Variants in ATM observed in about 807,000 individuals in gnomAD.
ATM encodes the protein ATM serine/threonine kinase, also known as serine-protein kinase ATM.
A neutral mutation model predicts 387.0 loss-of-function variants in ATM; 308 were observed. The observed-to-expected ratio is 0.80, with a 90% CI of 0.73 to 0.87. The LOEUF is 0.87. Among genes scored for constraint, ATM ranks in the 40% least tolerant of loss-of-function variants. ATM has a pLI of 0.00. For missense variants in ATM, 3,312 were observed against 3,560.9 expected (o/e 0.93, Z 1.78); for synonymous variants, 1,156 against 1,187.3 (o/e 0.97, Z 0.54).
chr11:108,353,970 G>C, intron 60 of ATM, 90 bp downstream of exon 60: 1 of 1,266,226 alleles, frequency 7.9e-7, no homozygotes, highest in Non-Finnish European at 1.1e-6. Context: ...AATCCCAGCT[G>C]CTCAAGAGGC....
At chr11:108,285,909 A>G (rs568384478) in intron 26 of ATM, among the ~76,000 whole-genome samples, 2 of 152,214 alleles carry the variant, frequency 1.3e-5, no homozygotes, top group Non-Finnish European at 2.9e-5. Flanking sequence ...AAAGACAGCA[A>G]TTTTTAGAGC....
intron 61 of ATM, chr11:108,355,269 C>A: frequency 2.2e-5 from 5 of 232,162 alleles, no homozygotes; most frequent in Non-Finnish European, 4.3e-5. Context: ...AAATGGAGAT[C>A]AAATTGTCAG....
At chr11:108,333,584 C>G (rs958331880) in intron 53 of ATM, among the ~76,000 whole-genome samples, 10 of 152,184 alleles carry the variant, frequency 6.6e-5, no homozygotes, top group African/African-American at 9.7e-5. Context: ...AGTATGTTAT[C>G]TATGTACTAT....
chr11:108,292,930 T>C (rs1274297621), intron 30 of ATM, 137 bp downstream of exon 30: 9 of 1,099,124 alleles, frequency 8.2e-6, no homozygotes, highest in Admixed American at 2.2e-5. Flanking sequence ...TGGAAAAATA[T>C]TCTTAATGAA....
intron 8 of ATM, among the ~76,000 whole-genome samples, 158 bp from the exon 9 acceptor site, chr11:108,248,775 C>G (rs1478397888): frequency 4.6e-5 from 7 of 151,662 alleles, no homozygotes; most frequent in Non-Finnish European, 1.0e-4. Context: ...GTAATCCCAG[C>G]TACTCGGGAG....
chr11:108,368,381 A>G lies in ATM; in HGVS notation c.*2873A>G. ...CCAAGGACAAATGAGGAGTAGTTAG[A>G]TTTTGAAAATATTAATCATAGAATA... On this transcript the variant is annotated 3_prime_UTR_variant, in exon 63 of 63. Coordinates refer to ENST00000675843, the MANE Select transcript of ATM (RefSeq NM_000051.4). 1 of 209,950 alleles carries G rather than the reference A, an allele frequency of 4.8e-6. No individual in the cohort carries two copies. The highest frequency in any genetic ancestry group is 9.7e-6 in the Non-Finnish European group (1 of 103,416). The allele number at this position is 209,950 out of a possible 1,614,324, so 13.0% of individuals were successfully genotyped here.
chr11:108,266,736 A>C, intron 16 of ATM, among the ~76,000 whole-genome samples: 1 of 152,092 alleles, frequency 6.6e-6, no homozygotes, highest in East Asian at 1.9e-4. Flanking sequence ...TAGTAGAAAA[A>C]GTACTGTAGT....
At chr11:108,322,202 T>A (rs1235648847) in intron 45 of ATM, among the ~76,000 whole-genome samples, 1 of 152,216 alleles carries the variant, frequency 6.6e-6, no homozygotes, top group African/African-American at 2.4e-5. Context: ...TTGCCCAGGC[T>A]GGAGTGTCAT....
chr11:108,334,823 C>T, intron 54 of ATM, 146 bp from the exon 55 acceptor site: 1 of 908,886 alleles, frequency 1.1e-6, no homozygotes, highest in Non-Finnish European at 1.7e-6. Flanking sequence ...AGCCACCACA[C>T]CCGGCCTAAA....
At position 108,299,708 on chromosome 11, in the gene ATM, A is replaced by G. The variant is rs1392301961; in HGVS notation, c.5006-6A>G. 1 of 1,613,024 alleles carries G rather than the reference A, an allele frequency of 6.2e-7. No individual in the cohort carries two copies. Among genetic ancestry groups the G allele is most frequent in the South Asian group, 1.1e-5 (1 of 91,052 alleles). On this transcript the variant is annotated splice_polypyrimidine_tract_variant and splice_region_variant and intron_variant, in intron 33 of 62. Transcript: ENST00000675843. ...GACTCTACTGAAATAGAATTTCTAT[A>G]TGTAGAGGCTGTTGGAAGCTGCTTG...
At chr11:108,262,589 A>C (rs1441543538) in intron 16 of ATM, among the ~76,000 whole-genome samples, 58 of 152,338 alleles carry the variant, frequency 3.8e-4, no homozygotes, top group Admixed American at 3.2e-3. Context: ...TGAGCAAAAT[A>C]ACCAGCTAAC....
chr11:108,272,437 CAT>C, intron 20 of ATM, 93 bp from the exon 21 acceptor site: 2 of 1,018,954 alleles, frequency 2.0e-6, no homozygotes, highest in Non-Finnish European at 3.1e-6. Context: ...CACAGAAAGA[CAT>C]ATTGGAAGTA....
In ATM at chr11:108,293,494, C is replaced by T. The variant is rs767641642; in HGVS notation, c.4776+17C>T. 2 of 1,589,296 alleles carry T rather than the reference C, an allele frequency of 1.3e-6. No individual in the cohort carries two copies. The highest frequency in any genetic ancestry group is 2.2e-5 in the South Asian group (2 of 90,360). On this transcript the variant is annotated intron_variant, in intron 31 of 62. Coordinates refer to ENST00000675843, the MANE Select transcript of ATM (RefSeq NM_000051.4). ...CTCTTGGAGGTAATAAAAATTTCAT[C>T]ATCTACTATTTTTTATTAGAGAACA...
Position 108,299,262 on chromosome 11 carries a change from TTG to T in ATM, c.5006-447_5006-446del, listed in dbSNP as rs1453704679. Among the ~76,000 whole-genome samples, 4 of 152,248 alleles carry T rather than the reference TTG, an allele frequency of 2.6e-5. No individual in the cohort carries two copies. The East Asian group carries it at 7.7e-4, about 29-fold the overall frequency. On this transcript the variant is annotated intron_variant, in intron 33 of 62. Coordinates refer to ENST00000675843, the MANE Select transcript of ATM (RefSeq NM_000051.4). ...AACTGTGTGTTTAAGATTATGGAAT[TTG>T]TGTGATACCTCAACAAAAATTTTAA...
intron 7 of ATM, among the ~76,000 whole-genome samples, 153 bp from the exon 8 acceptor site, chr11:108,246,811 G>T (rs1236650224): frequency 1.3e-5 from 2 of 152,196 alleles, no homozygotes; most frequent in African/African-American, 4.8e-5. Context: ...GTTTGTCAAG[G>T]ATCTTGTCAG....
rs2086423868 is a variant in ATM at position 108,332,854 on chromosome 11, T to C, written c.7881T>C (p.Tyr2627=). The change falls in exon 53 of 63, where the codon TAT becomes TAC. Residue 2627 remains tyrosine, a synonymous_variant. Transcript: ENST00000675843. The stretch of plus-strand genomic sequence containing the variant: ...GTGTTGAGGCACTTTGTGATGCTTA[T>C]ATTATATTAGCAAACTTAGATGCCA... ...VRSVEALCDA[Y]IILANLDATQ... is the part of the protein sequence containing the mutation. The C allele has an allele frequency of 1.2e-6, 2 of 1,613,288 alleles. No homozygotes were observed. Among genetic ancestry groups the C allele is most frequent in the Non-Finnish European group, 8.5e-7 (1 of 1,179,664 alleles).
intron 6 of ATM, among the ~76,000 whole-genome samples, chr11:108,244,447 G>A (rs2079729606): frequency 6.6e-6 from 1 of 152,006 alleles, no homozygotes; most frequent in Admixed American, 6.6e-5. Flanking sequence ...AAAATATTTT[G>A]GAAGTATTAC....
intron 47 of ATM, among the ~76,000 whole-genome samples, chr11:108,327,077 C>T (rs1304568746): frequency 6.6e-6 from 1 of 152,178 alleles, no homozygotes; most frequent in African/African-American, 2.4e-5. Flanking sequence ...ATCTACCCGC[C>T]TTGTCCTCTG....
At position 108,330,856 on chromosome 11, in the gene ATM, T is replaced by C. The variant is rs45438896; in HGVS notation, c.7515+435T>C. ...ATTACTTTTGTAAGTAGAGAAAATATATTTTTCAGAAAATGTCAAGACAGC... is the reference window on the plus strand; with the variant it reads ...ATTACTTTTGTAAGTAGAGAAAATACATTTTTCAGAAAATGTCAAGACAGC... On this transcript the variant is annotated intron_variant, in intron 50 of 62. Coordinates refer to ENST00000675843, the MANE Select transcript of ATM (RefSeq NM_000051.4). Among the ~76,000 whole-genome samples the C allele has an allele frequency of 1.1e-3, 163 of 152,330 alleles. 2 individuals carry two copies. In the Middle Eastern group the frequency reaches 0.014, roughly 13 times the overall value.
Sources: allele counts gnomAD v4.1 joint callset (sites outside exome capture counted in the v4.1 genomes callset), GRCh38; gene constraint gnomAD v4.1.1; transcripts MANE v1.5; gene names NCBI Gene and HGNC (gene_info 2026-07-23, HGNC 2026-07-21).